WDFY3: variants seen among roughly 807,000 people sequenced by gnomAD.
The protein encoded by WDFY3 is WD repeat and FYVE domain containing 3.
In WDFY3, 66 loss-of-function variants were observed where a neutral mutation model predicts 409.6. The observed-to-expected ratio is 0.16, with a 90% CI of 0.13 to 0.20. The LOEUF (loss-of-function observed/expected upper bound fraction) is 0.20, where lower values mean the gene tolerates loss of function less well. Ranked by LOEUF, WDFY3 falls within the 10% of genes least tolerant of loss-of-function variation. The probability of loss-of-function intolerance (pLI) is 1.00; values close to 1 mark genes in which losing one functional copy is unlikely to be tolerated. For synonymous variants in WDFY3, 1,521 were observed against 1,537.1 expected (o/e 0.99, Z 0.25); for missense variants, 3,031 against 4,298.1 (o/e 0.71, Z 8.24).
At chr4:84,919,814 G>T (rs1325107223) in intron 2 of WDFY3, among the ~76,000 whole-genome samples, 1 of 152,146 alleles carries the variant, frequency 6.6e-6, no homozygotes, top group East Asian at 1.9e-4. Flanking sequence ...AAATCACCCA[G>T]TCTCAGGTAT....
rs1289714700 is a variant in WDFY3, at chr4:84,809,924, T to C, written c.2308A>G (p.Ile770Val). 7 of 1,614,042 alleles carry C rather than the reference T, an allele frequency of 4.3e-6. No homozygotes were observed. In the Admixed American group the frequency reaches 1.2e-4, roughly 27 times the overall value. The part of the protein sequence containing the change: ...PTLRHCSKLF[I>V]YLYKVATDSF... ...TCTGTGGCTACTTTGTAAAGATAAA[T>C]AAAAAGTTTACTGCAGTGCCGTAAC... is the stretch of plus-strand genomic sequence containing the variant. Residue 770 changes from isoleucine to valine, a missense_variant, in exon 14 of 68, where the codon ATT becomes GTT. This residue lies in a region of WDFY3 where 1,322 missense variants were observed against 1,697.9 expected (regional missense o/e 0.78). Coordinates refer to ENST00000295888, the MANE Select transcript of WDFY3 (RefSeq NM_014991.6).
At chr4:84,755,213 G>A in intron 34 of WDFY3, 53 bp downstream of exon 34, 1 of 1,582,272 alleles carries the variant, frequency 6.3e-7, no homozygotes, top group Non-Finnish European at 8.5e-7. Context: ...TTACAAAAAA[G>A]TATCCTAGGC....
chr4:84,736,967 G>A (rs1288863963), intron 41 of WDFY3, among the ~76,000 whole-genome samples: 2 of 145,950 alleles, frequency 1.4e-5, no homozygotes, highest in African/African-American at 2.6e-5. Context: ...ATGCATAAAC[G>A]CCTGATGTAT....
chr4:84,872,159 TA>T (rs1345165922), intron 3 of WDFY3, among the ~76,000 whole-genome samples: 32 of 152,152 alleles, frequency 2.1e-4, no homozygotes, highest in African/African-American at 7.0e-4. Context: ...TGCTGGCATC[TA>T]GGGGAACCAT....
At chr4:84,844,940 G>A (rs1277477556) in intron 5 of WDFY3, among the ~76,000 whole-genome samples, 2 of 152,166 alleles carry the variant, frequency 1.3e-5, no homozygotes, top group Non-Finnish European at 2.9e-5. Context: ...GGGAGACAAG[G>A]AGACTGTGAC....
chr4:84,866,819 G>A (rs1761463622), intron 3 of WDFY3, among the ~76,000 whole-genome samples: 1 of 152,146 alleles, frequency 6.6e-6, no homozygotes, highest in East Asian at 1.9e-4. Context: ...AGTTCTTTGT[G>A]GAAAACGCCA....
At chr4:84,838,143 CAA>C (rs1239311227) in intron 6 of WDFY3, among the ~76,000 whole-genome samples, 1 of 152,032 alleles carries the variant, frequency 6.6e-6, no homozygotes, top group Admixed American at 6.6e-5. Context: ...ACACAGATTC[CAA>C]AAATGCTGAC....
chr4:84,867,401 C>A (rs1429820288), intron 3 of WDFY3, among the ~76,000 whole-genome samples: 2 of 152,090 alleles, frequency 1.3e-5, no homozygotes, highest in African/African-American at 2.4e-5. Flanking sequence ...AGAATGTTTT[C>A]GCTTAATTTT....
intron 2 of WDFY3, among the ~76,000 whole-genome samples, chr4:84,923,835 C>T (rs570143193): frequency 6.6e-6 from 1 of 152,080 alleles, no homozygotes; most frequent in South Asian, 2.1e-4. Context: ...CCCTTCTCTA[C>T]TAAAAATACA....
intron 1 of WDFY3, among the ~76,000 whole-genome samples, chr4:84,947,278 C>T (rs1042445242): frequency 2.7e-5 from 4 of 149,450 alleles, no homozygotes; most frequent in South Asian, 2.1e-4. Flanking sequence ...TTTGGGAAGC[C>T]GAGGCGGGCG....
rs200964325 is a variant in WDFY3 at position 84,765,964 on chromosome 4, G to A, written c.5034C>T (p.His1678=). Residue 1678 remains histidine (H), a synonymous_variant, in exon 32 of 68, where the codon CAC becomes CAT. Coordinates refer to ENST00000295888, the MANE Select transcript of WDFY3 (RefSeq NM_014991.6). ...FDWIMMFMEE[H]LHSTTVTAAM... is the part of the protein sequence containing the mutation. ...CTGCTGTAACTGTGGTGGAATGTAA[G>A]TGTTCCTCCATAAACATCATGATCC... The A allele has an allele frequency of 4.3e-4, 701 of 1,613,980 alleles. No homozygotes were observed. Among genetic ancestry groups the A allele is most frequent in the Admixed American group, 5.7e-4 (34 of 60,000 alleles).
In WDFY3 at chr4:84,833,693, G is replaced by GAAAAGAAAAGAAAAGAAAAGAA. The variant is rs1560879195; in HGVS notation, c.577-2089_577-2088insTTCTTTTCTTTTCTTTTCTTTT. 4.9e-5 allele frequency among the ~76,000 whole-genome samples: 6 copies of GAAAAGAAAAGAAAAGAAAAGAA among 122,102 alleles called. No homozygotes were observed. The South Asian group carries it at 1.5e-3, about 31-fold the overall frequency. 80.1% of individuals were successfully genotyped at this position (122,102 alleles called of 152,430 possible). On this transcript the variant is annotated intron_variant, in intron 7 of 67. Transcript: ENST00000295888. ...AAAGAAAAGAAAAGAAAAGAAAAGA[G>GAAAAGAAAAGAAAAGAAAAGAA]AAGAGAAGAGAAGAGAACAGAACAG...
At chr4:84,791,306 A>C (rs189365697) in intron 21 of WDFY3, among the ~76,000 whole-genome samples, 1 of 152,342 alleles carries the variant, frequency 6.6e-6, no homozygotes, top group Non-Finnish European at 1.5e-5. Context: ...TCATAGAAAG[A>C]CATATACTGC....
At chr4:84,857,599 T>A (rs559377206) in intron 4 of WDFY3, among the ~76,000 whole-genome samples, 1 of 152,272 alleles carries the variant, frequency 6.6e-6, no homozygotes, top group Admixed American at 6.5e-5. Flanking sequence ...AATTATTAAC[T>A]TCCTGGTAAT....
intron 1 of WDFY3, among the ~76,000 whole-genome samples, chr4:84,941,438 CTG>C (rs1772111003): frequency 6.6e-6 from 1 of 151,880 alleles, no homozygotes; most frequent in South Asian, 2.1e-4. Flanking sequence ...TTCTAACAAA[CTG>C]TGCAAAATCT....
intron 64 of WDFY3, among the ~76,000 whole-genome samples, chr4:84,680,455 A>G (rs924541801): frequency 6.6e-6 from 1 of 152,158 alleles, no homozygotes; most frequent in Non-Finnish European, 1.5e-5. Flanking sequence ...ACATCTGGCT[A>G]AAGATTAGTG....
chr4:84,754,596 C>T (rs1240561391), intron 34 of WDFY3, among the ~76,000 whole-genome samples: 2 of 152,126 alleles, frequency 1.3e-5, no homozygotes, highest in African/African-American at 2.4e-5. Flanking sequence ...ATTGTATAAA[C>T]AAATCTGGTC....
chr4:84,760,349 C>G (rs1742328739), intron 32 of WDFY3, among the ~76,000 whole-genome samples: 1 of 151,994 alleles, frequency 6.6e-6, no homozygotes, highest in Non-Finnish European at 1.5e-5. Context: ...CCCTCTTTTT[C>G]TATTGATTGG....
At chr4:84,803,139 A>G in intron 16 of WDFY3, 151 bp downstream of exon 16, 1 of 765,362 alleles carries the variant, frequency 1.3e-6, no homozygotes, top group East Asian at 3.0e-5. Context: ...GAAAGGTAAC[A>G]CTCAAATAAA....
Sources: allele counts gnomAD v4.1 joint callset (sites outside exome capture counted in the v4.1 genomes callset), GRCh38; gene constraint gnomAD v4.1.1; regional missense constraint gnomAD v4.1.1; transcripts MANE v1.5; gene names NCBI Gene and HGNC (gene_info 2026-07-23, HGNC 2026-07-21).